Variants in NAV1 observed in about 807,000 individuals in gnomAD.
NAV1 encodes the protein pore membrane and/or filament interacting like protein 3.
A neutral mutation model predicts 175.2 loss-of-function variants in NAV1; 18 were observed. The observed-to-expected ratio is 0.10, with a 90% CI of 0.07 to 0.15. The LOEUF is 0.15. Ranked by LOEUF, NAV1 falls within the 10% of genes least tolerant of loss-of-function variation. NAV1 has a pLI of 1.00. For missense variants in NAV1, 1,731 were observed against 2,436.6 expected (o/e 0.71, Z 6.10); for synonymous variants, 897 against 978.7 (o/e 0.92, Z 1.56).
chr1:201,810,644 C>G lies in NAV1; in HGVS notation c.4683C>G (p.Gly1561=). 6.2e-7 allele frequency: 1 copy of G among 1,614,146 alleles called. No homozygotes were observed. The highest frequency in any genetic ancestry group is 8.5e-7 in the Non-Finnish European group (1 of 1,180,020). ...GCCTCGTCCTCTCGGGCCCCAGCGGCACGGGCAAGACCTACCTGACCAATC... is the reference window on the plus strand; with the variant it reads ...GCCTCGTCCTCTCGGGCCCCAGCGGGACGGGCAAGACCTACCTGACCAATC... Residue 1561 remains glycine (G), a synonymous_variant, in exon 24 of 30, where the codon GGC becomes GGG. Transcript: ENST00000367296. This position sits in a 1 kb window ranked among gnomAD's most constrained non-coding sequence, Gnocchi z 6.0.
At chr1:201,711,379 C>G (rs867733583) in intron 1 of NAV1, among the ~76,000 whole-genome samples, 56 of 152,350 alleles carry the variant, frequency 3.7e-4, no homozygotes, top group Middle Eastern at 3.4e-3. Flanking sequence ...GCTCCCTGCC[C>G]GCCCCACCCA....
intron 3 of NAV1, among the ~76,000 whole-genome samples, chr1:201,742,665 G>GA (rs1461978663): frequency 6.6e-6 from 1 of 152,118 alleles, no homozygotes; most frequent in East Asian, 1.9e-4. Flanking sequence ...GTGGGAACAA[G>GA]ACTCGCTCAC....
chr1:201,560,610 A>G (rs1364644937), intron 1 of NAV1, among the ~76,000 whole-genome samples: 1 of 152,216 alleles, frequency 6.6e-6, no homozygotes, highest in Non-Finnish European at 1.5e-5. Context: ...CTCTTGCCCC[A>G]CAGCAGGCCC....
At chr1:201,758,722 A>C (rs1218952736) in intron 3 of NAV1, among the ~76,000 whole-genome samples, 1 of 152,256 alleles carries the variant, frequency 6.6e-6, no homozygotes, top group Non-Finnish European at 1.5e-5. Context: ...AATGCACTGC[A>C]GAAGTAATCC....
At chr1:201,548,670 G>T (rs1665738699) in intron 1 of NAV1, among the ~76,000 whole-genome samples, 1 of 152,208 alleles carries the variant, frequency 6.6e-6, no homozygotes, top group African/African-American at 2.4e-5. Context: ...CTACTGAGGG[G>T]ATTCAAGAGT....
At chr1:201,585,435 GACAC>G (rs147225809) in intron 1 of NAV1, among the ~76,000 whole-genome samples, 2 of 150,862 alleles carry the variant, frequency 1.3e-5, no homozygotes, top group African/African-American at 2.4e-5. Flanking sequence ...TTCATTCACA[GACAC>G]ACACACACAC....
chr1:201,649,149 CT>C lies in NAV1; in HGVS notation c.482del (p.Leu161ArgfsTer33). The C allele has an allele frequency of 6.2e-7, 1 of 1,611,932 alleles. No homozygotes were observed. On this transcript the variant is annotated frameshift_variant, in exon 1 of 30. Transcript: ENST00000367296. LOFTEE classifies it high-confidence loss of function. ...CCCGGCGGGCGGCGCCAAGACCCCC[CT>C]GGCTCCGCTCGCGCCCAACCTGGGA...
At chr1:201,679,829 A>G (rs1234525923) in intron 1 of NAV1, among the ~76,000 whole-genome samples, 4 of 152,148 alleles carry the variant, frequency 2.6e-5, no homozygotes, top group Non-Finnish European at 5.9e-5. Context: ...CATGGAGCAT[A>G]GGTTTGTCAT....
intron 2 of NAV1, among the ~76,000 whole-genome samples, chr1:201,603,211 A>C (rs1667573872): frequency 6.6e-6 from 1 of 152,178 alleles, no homozygotes; most frequent in Non-Finnish European, 1.5e-5. Flanking sequence ...TCTGAACTTC[A>C]TGGGTCCCAA....
chr1:201,659,335 G>A (rs570540923), intron 1 of NAV1, among the ~76,000 whole-genome samples: 36 of 152,326 alleles, frequency 2.4e-4, no homozygotes, highest in African/African-American at 7.5e-4. Flanking sequence ...GGAATCAGAG[G>A]CTGAGCACAG....
intron 1 of NAV1, among the ~76,000 whole-genome samples, chr1:201,558,090 G>A (rs2102460953): frequency 6.6e-6 from 1 of 152,268 alleles, no homozygotes; most frequent in Admixed American, 6.5e-5. Flanking sequence ...CAATGTTTTC[G>A]TGCTTTGTAG....
At chr1:201,645,266 C>G (rs534960946), upstream of NAV1, among the ~76,000 whole-genome samples, 2 of 151,762 alleles carry the variant, frequency 1.3e-5, no homozygotes, top group African/African-American at 4.8e-5. Flanking sequence ...ATGGATGAAA[C>G]TGGAAACCAT....
rs892087497 is a variant in NAV1 at position 201,539,328 on chromosome 1, C to CGGGCAGGCGCTCCGGTGAG, written c.-157_-144+5dup. On this transcript the variant is annotated 5_prime_UTR_variant, in exon 1 of 34. The change abolishes the stop of an existing upstream ORF in the 5' untranslated region. Coordinates refer to the NAV1 transcript ENST00000685211. The surrounding 1 kb of genome is among the most constrained non-coding windows in gnomAD (Gnocchi z 5.6). ...CTGCGGCGCGGACCCGGAGCCCGGG[C>CGGGCAGGCGCTCCGGTGAG]GGGCAGGCGCTCCGGTGAGTGGCCG... is the stretch of plus-strand genomic sequence containing the variant. Among the ~76,000 whole-genome samples the CGGGCAGGCGCTCCGGTGAG allele has an allele frequency of 6.6e-6, 1 of 151,894 alleles. No individual in the cohort carries two copies. The highest frequency in any genetic ancestry group is 1.5e-5 in the Non-Finnish European group (1 of 67,948).
chr1:201,645,690 T>TCACAGTGAAAATGTA (rs1553247468), upstream of NAV1, among the ~76,000 whole-genome samples: 2 of 151,664 alleles, frequency 1.3e-5, no homozygotes, highest in Non-Finnish European at 2.9e-5. Flanking sequence ...GTGGAATGTG[T>TCACAGTGAAAATGTA]CACAGTGAAA....
intron 2 of NAV1, among the ~76,000 whole-genome samples, chr1:201,594,677 C>T (rs1478941456): frequency 1.3e-5 from 2 of 152,136 alleles, no homozygotes; most frequent in African/African-American, 2.4e-5. Context: ...ATACATGGGT[C>T]GTGAGGTGAA....
upstream of NAV1, among the ~76,000 whole-genome samples, chr1:201,645,900 C>T (rs568236879): frequency 2.9e-4 from 44 of 152,252 alleles, no homozygotes; most frequent in African/African-American, 1.1e-3. Flanking sequence ...GAATTAGGGG[C>T]ATCTTGTATA....
At chr1:201,577,214 G>A (rs1666715059) in intron 1 of NAV1, among the ~76,000 whole-genome samples, 1 of 152,142 alleles carries the variant, frequency 6.6e-6, no homozygotes. Flanking sequence ...TGGATATGTG[G>A]TTGACAAATA....
intron 17 of NAV1, among the ~76,000 whole-genome samples, chr1:201,805,918 C>G (rs1678245392): frequency 6.6e-6 from 1 of 151,218 alleles, no homozygotes; most frequent in Non-Finnish European, 1.5e-5. Context: ...GAGACCCTGT[C>G]TCCAAAAAAA....
At position 201,679,495 on chromosome 1, in the gene NAV1, C is replaced by T. The variant is rs542838693; in HGVS notation, c.757+30070C>T. Among the ~76,000 whole-genome samples the T allele has an allele frequency of 3.3e-5, 5 of 152,308 alleles. No individual in the cohort carries two copies. The South Asian group carries it at 1.0e-3, about 32-fold the overall frequency. On this transcript the variant is annotated intron_variant, in intron 1 of 29. Transcript: ENST00000367296. The stretch of plus-strand genomic sequence containing the variant: ...TCAACATCTCCCTTCTGAACCCCTA[C>T]AAACCAGTTATTGAAATGTATGGTG...
Sources: allele counts gnomAD v4.1 joint callset (sites outside exome capture counted in the v4.1 genomes callset), GRCh38; gene constraint gnomAD v4.1.1; non-coding constraint Gnocchi (gnomAD v3.1); transcripts MANE v1.5; gene names NCBI Gene and HGNC (gene_info 2026-07-23, HGNC 2026-07-21).